FREM2: variants seen among roughly 807,000 people sequenced by gnomAD.
FREM2 encodes the protein FRAS1-related extracellular matrix protein 2.
A neutral mutation model predicts 219.9 loss-of-function variants in FREM2; 119 were observed. The observed-to-expected ratio is 0.54, with a 90% CI of 0.47 to 0.63. FREM2 has a LOEUF of 0.63. Among genes scored for constraint, FREM2 ranks in the 30% least tolerant of loss-of-function variants. FREM2 has a pLI of 0.00. For synonymous variants in FREM2, 1,562 were observed against 1,522.8 expected (o/e 1.03, Z -0.60); for missense variants, 4,030 against 3,993.6 (o/e 1.01, Z -0.25).
At chr13:38,710,683 A>G (rs534581146) in intron 2 of FREM2, among the ~76,000 whole-genome samples, 20 of 152,364 alleles carry the variant, frequency 1.3e-4, no homozygotes, top group Admixed American at 1.2e-3. Context: ...TAGGAGGTCA[A>G]TAAATACGTG....
rs1468329104 is a variant in FREM2 at position 38,861,539 on chromosome 13, C to T, written c.7628C>T (p.Thr2543Ile). ...GACTACACAAACCTTATCAAGCTCACTGTCACAATGCCACACATAGATGGT... is the reference window on the plus strand; with the variant it reads ...GACTACACAAACCTTATCAAGCTCATTGTCACAATGCCACACATAGATGGT... ...DADYTNLIKL[T>I]VTMPHIDGML... Residue 2543 changes from threonine to isoleucine, a missense_variant, in exon 15 of 24, where the codon ACT becomes ATT. Coordinates refer to ENST00000280481, the MANE Select transcript of FREM2 (RefSeq NM_207361.6). 2 of 1,613,680 alleles carry T rather than the reference C, an allele frequency of 1.2e-6. No homozygotes were observed. The highest frequency in any genetic ancestry group is 1.7e-6 in the Non-Finnish European group (2 of 1,179,818).
At chr13:38,874,433 G>A (rs1262083658) in intron 17 of FREM2, 49 bp from the exon 18 acceptor site, 2 of 1,407,568 alleles carry the variant, frequency 1.4e-6, no homozygotes, top group Admixed American at 1.7e-5. Context: ...TGTACATAAG[G>A]GGTCTCTGGC....
chr13:38,874,325 G>C (rs549917206), intron 17 of FREM2, among the ~76,000 whole-genome samples, 157 bp from the exon 18 acceptor site: 14 of 152,222 alleles, frequency 9.2e-5, no homozygotes, highest in Non-Finnish European at 1.6e-4. Context: ...AGAAAATGAA[G>C]ATACTTCTGC....
intron 6 of FREM2, among the ~76,000 whole-genome samples, chr13:38,804,132 G>A (rs1309901481): frequency 1.3e-5 from 2 of 151,992 alleles, no homozygotes; most frequent in Admixed American, 6.6e-5. Flanking sequence ...AGAACAAAAT[G>A]AAAAATCAAA....
At chr13:38,811,604 G>T (rs1369174381) in intron 6 of FREM2, among the ~76,000 whole-genome samples, 1 of 151,944 alleles carries the variant, frequency 6.6e-6, no homozygotes, top group Non-Finnish European at 1.5e-5. Flanking sequence ...TGTTTGTATG[G>T]TTTCCAAAGT....
At chr13:38,780,678 C>T (rs1388418367) in intron 4 of FREM2, among the ~76,000 whole-genome samples, 2 of 152,210 alleles carry the variant, frequency 1.3e-5, no homozygotes, top group Non-Finnish European at 2.9e-5. Flanking sequence ...CCTACAGCAA[C>T]CGGAAAGCCA....
intron 6 of FREM2, among the ~76,000 whole-genome samples, chr13:38,834,900 C>T (rs1349726566): frequency 6.6e-6 from 1 of 152,110 alleles, no homozygotes; most frequent in African/African-American, 2.4e-5. Flanking sequence ...CTGTAGGTTG[C>T]CTGTTCACTC....
intron 2 of FREM2, among the ~76,000 whole-genome samples, chr13:38,733,187 A>G (rs1871837275): frequency 6.6e-6 from 1 of 152,210 alleles, no homozygotes; most frequent in Admixed American, 6.5e-5. Context: ...AGAGGTGGCA[A>G]TGAAACTATC....
chr13:38,819,956 T>C (rs9532282), intron 6 of FREM2, among the ~76,000 whole-genome samples: 60,631 of 152,024 alleles, frequency 0.4, 13,959 homozygotes, highest in Non-Finnish European at 0.52. Context: ...AAAGTTATTA[T>C]TAGTTATCCT....
At chr13:38,879,515 G>A (rs926607925) in intron 23 of FREM2, among the ~76,000 whole-genome samples, 2 of 152,174 alleles carry the variant, frequency 1.3e-5, no homozygotes, top group African/African-American at 4.8e-5. Flanking sequence ...ACAACACTGA[G>A]CAAATGCCAC....
intron 3 of FREM2, 85 bp downstream of exon 3, chr13:38,764,535 A>G (rs1873361112): frequency 2.5e-6 from 2 of 814,388 alleles, no homozygotes; most frequent in African/African-American, 3.5e-5. Context: ...GTATCAGTTT[A>G]GTTCACTTAG....
At chr13:38,763,855 C>A (rs1339713254) in intron 2 of FREM2, among the ~76,000 whole-genome samples, 4 of 152,150 alleles carry the variant, frequency 2.6e-5, no homozygotes, top group African/African-American at 7.2e-5. Context: ...ATAATTAAAA[C>A]CTTCCACCCA....
In FREM2 at chr13:38,848,507, T is replaced by C. The variant is rs1205084730; in HGVS notation, c.6216T>C (p.Pro2072=). The part of the protein sequence containing the change: ...VGISRNLDFA[P]GVNMQPVRVV... The stretch of plus-strand genomic sequence containing the variant: ...TCAGCCGTAATTTAGATTTTGCACC[T>C]GGAGTCAACATGCAGCCTGTTCGTG... Residue 2072 remains proline (P), a synonymous_variant, in exon 8 of 24, where the codon CCT becomes CCC. Transcript: ENST00000280481. 1.9e-6 allele frequency: 3 copies of C among 1,613,984 alleles called. No individual in the cohort carries two copies. The highest frequency in any genetic ancestry group is 2.5e-6 in the Non-Finnish European group (3 of 1,179,958).
Position 38,806,900 on chromosome 13 carries a change from T to A in FREM2, c.6019+22092T>A, listed in dbSNP as rs530467901. 8.4e-4 allele frequency among the ~76,000 whole-genome samples: 127 copies of A among 151,810 alleles called. 2 individuals are homozygous for A. The South Asian group carries it at 0.013, about 16-fold the overall frequency. ...AAATCCTTTGTTGTCATTTGAACAA[T>A]GTTTACACCATCTTCACCAAAAGTA... is the stretch of plus-strand genomic sequence containing the variant. On this transcript the variant is annotated intron_variant, in intron 6 of 23. Coordinates refer to ENST00000280481, the MANE Select transcript of FREM2 (RefSeq NM_207361.6).
chr13:38,754,889 G>A (rs60830177), intron 2 of FREM2, among the ~76,000 whole-genome samples: 2 of 82,276 alleles, frequency 2.4e-5, no homozygotes, highest in Admixed American at 2.7e-4. Context: ...TGATGATGAT[G>A]ATGATGATGA....
Position 38,690,386 on chromosome 13 carries a change from T to C in FREM2, c.3042T>C (p.Val1014=). 6.2e-7 allele frequency: 1 copy of C among 1,613,908 alleles called. No individual in the cohort carries two copies. Among genetic ancestry groups the C allele is most frequent in the Non-Finnish European group, 8.5e-7 (1 of 1,180,038 alleles). The part of the protein sequence containing the change: ...FTQRDILEGS[V]VYTHTSGEIG... Reference sequence around the variant, plus strand: ...AAAGGGACATCTTGGAGGGCTCTGTTGTATATACCCACACCAGTGGTGAGA... The same window carrying C: ...AAAGGGACATCTTGGAGGGCTCTGTCGTATATACCCACACCAGTGGTGAGA... The change falls in exon 1 of 24, where the codon GTT becomes GTC. Residue 1014 remains valine, a synonymous_variant. Coordinates refer to ENST00000280481, the MANE Select transcript of FREM2 (RefSeq NM_207361.6).
At chr13:38,837,410 T>C (rs1362404839) in intron 6 of FREM2, among the ~76,000 whole-genome samples, 1 of 152,220 alleles carries the variant, frequency 6.6e-6, no homozygotes, top group Non-Finnish European at 1.5e-5. Context: ...GAAGAATGTA[T>C]ATTCTTTTGA....
intron 3 of FREM2, among the ~76,000 whole-genome samples, chr13:38,768,289 A>G (rs919055766): frequency 2.0e-4 from 30 of 152,072 alleles, no homozygotes; most frequent in African/African-American, 7.0e-4. Flanking sequence ...GCATTTATGT[A>G]TTTTTAATTT....
chr13:38,804,253 T>A (rs1593417666), intron 6 of FREM2, among the ~76,000 whole-genome samples: 1 of 151,786 alleles, frequency 6.6e-6, no homozygotes, highest in African/African-American at 2.4e-5. Context: ...CAGTTGATGA[T>A]TAGCAAGTGC....
Sources: allele counts gnomAD v4.1 joint callset (sites outside exome capture counted in the v4.1 genomes callset), GRCh38; gene constraint gnomAD v4.1.1; transcripts MANE v1.5; gene names NCBI Gene and HGNC (gene_info 2026-07-23, HGNC 2026-07-21).